The following NUP153 variants were observed in gnomAD, a reference collection of about 807,000 sequenced individuals.
NUP153 encodes nucleoporin 153.
Under a neutral mutation model 134.6 loss-of-function variants are expected in NUP153, and 27 were observed. The observed-to-expected ratio is 0.20, with a 90% confidence interval of 0.15 to 0.28. NUP153 has a LOEUF of 0.28. Among genes scored for constraint, NUP153 ranks in the 10% least tolerant of loss-of-function variants. The pLI is 1.00. For synonymous variants in NUP153, 640 were observed against 623.5 expected, an observed-to-expected ratio of 1.03 and a Z score of -0.40; for missense variants, 1,821 against 1,731.3, an observed-to-expected ratio of 1.05 and a Z score of -0.92.
intron 2 of NUP153, among the ~76,000 whole-genome samples, chr6:17,686,379 T>C (rs1420740936): frequency 6.6e-6 from 1 of 151,964 alleles, no homozygotes; most frequent in Non-Finnish European, 1.5e-5. Context: ...ATGTCTTAAT[T>C]GTTAACAAAC....
rs1472691549 is a variant in NUP153 at position 17,628,179 on chromosome 6, T to TA, written c.3544+475_3544+476insT. ...CTATGTCATTTTTTTCCCCAGGACT[T>TA]CAGCTTTCAAAATCTCTTGTTTTCT... On this transcript the variant is annotated intron_variant, in intron 18 of 21. Coordinates refer to ENST00000262077, the MANE Select transcript of NUP153 (RefSeq NM_005124.4). The surrounding 1 kb of genome is among the most constrained non-coding windows in gnomAD (Gnocchi z 5.4). Among the ~76,000 whole-genome samples, 3 of 152,234 alleles carry TA rather than the reference T, an allele frequency of 2.0e-5. No homozygotes were observed. Among genetic ancestry groups the TA allele is most frequent in the African/African-American group, 7.2e-5 (3 of 41,472 alleles).
Position 17,642,652 on chromosome 6 carries a change from A to T in NUP153, c.1721-2588T>A, listed in dbSNP as rs147337838. On this transcript the variant is annotated intron_variant, in intron 14 of 21. Coordinates refer to ENST00000262077, the MANE Select transcript of NUP153 (RefSeq NM_005124.4). ...TGATTCTTCAAAAAGTTTAATACAGAACTACCATCTGACCCATCAATTCCA... is the reference window on the plus strand; with the variant it reads ...TGATTCTTCAAAAAGTTTAATACAGTACTACCATCTGACCCATCAATTCCA... 5.8e-4 allele frequency among the ~76,000 whole-genome samples: 88 copies of T among 152,348 alleles called. 1 individual carries two copies. Among genetic ancestry groups the T allele is most frequent in the Admixed American group, 3.5e-3 (54 of 15,300 alleles).
chr6:17,616,745 T>TTTTGTTTG, intron 20 of NUP153, 50 bp from the exon 21 acceptor site: 1 of 1,549,788 alleles, frequency 6.5e-7, no homozygotes, highest in Non-Finnish European at 8.8e-7. Context: ...TGATAGGTTT[T>TTTTGTTTG]TTTGTTTGTT....
In NUP153 at chr6:17,669,503, T is replaced by C; in HGVS notation, c.896A>G (p.Gln299Arg). ...RQMKAKQLSA[Q>R]SYGVTSSTAR... is the part of the protein sequence containing the mutation. Reference sequence around the variant, plus strand: ...TGTTGAACTGGTCACACCGTAAGATTGTGCACTGAGTTGCTTAGCTTTCAT... The same window carrying C: ...TGTTGAACTGGTCACACCGTAAGATCGTGCACTGAGTTGCTTAGCTTTCAT... Residue 299 changes from glutamine to arginine, a missense_variant, in exon 6 of 22, where the codon CAA (glutamine) becomes CGA (arginine). Coordinates refer to ENST00000262077, the MANE Select transcript of NUP153 (RefSeq NM_005124.4). 1.2e-6 allele frequency: 2 copies of C among 1,614,156 alleles called. No individual in the cohort carries two copies. The highest frequency in any genetic ancestry group is 2.2e-5 in the South Asian group (2 of 91,090).
chr6:17,651,880 G>C, intron 11 of NUP153: 1 of 679,464 alleles, frequency 1.5e-6, no homozygotes, highest in Non-Finnish European at 2.7e-6. Context: ...GATCGCTTGA[G>C]CGCAGGAGCT....
At chr6:17,616,290 G>GGGCCC in intron 21 of NUP153, 109 bp from the exon 22 acceptor site, 4 of 473,874 alleles carry the variant, frequency 8.4e-6, no homozygotes, top group East Asian at 4.5e-5. Context: ...GGTGGGGGGG[G>GGGCCC]AGTAGACTCA....
At chr6:17,686,370 T>A (rs1004839799) in intron 2 of NUP153, among the ~76,000 whole-genome samples, 3 of 151,944 alleles carry the variant, frequency 2.0e-5, no homozygotes, top group Non-Finnish European at 4.4e-5. Context: ...AATGTGCGCA[T>A]GTCTTAATTG....
intron 20 of NUP153, among the ~76,000 whole-genome samples, chr6:17,621,287 CAGTA>C (rs1354081482): frequency 6.6e-6 from 1 of 152,132 alleles, no homozygotes; most frequent in East Asian, 1.9e-4. Flanking sequence ...TTATGGAAAA[CAGTA>C]AGGAAGTTTC....
At chr6:17,688,358 A>G (rs370146755) in intron 2 of NUP153, 38 bp downstream of exon 2, 208 of 1,515,530 alleles carry the variant, frequency 1.4e-4, no homozygotes, top group Non-Finnish European at 3.0e-5. Context: ...GGGCATGAAA[A>G]CCTATCATTC....
intron 8 of NUP153, 38 bp downstream of exon 8, chr6:17,668,937 T>C (rs759260258): frequency 8.7e-6 from 12 of 1,386,092 alleles, no homozygotes; most frequent in Middle Eastern, 1.8e-4. Flanking sequence ...AACAAAATTG[T>C]AGACAGTTTA....
At chr6:17,677,159 G>A (rs1768269520) in intron 2 of NUP153, among the ~76,000 whole-genome samples, 1 of 152,154 alleles carries the variant, frequency 6.6e-6, no homozygotes, top group Non-Finnish European at 1.5e-5. Flanking sequence ...ACAGAGCTTG[G>A]AGGCTAAGGC....
chr6:17,644,320 T>C (rs1766022211), intron 14 of NUP153, among the ~76,000 whole-genome samples: 2 of 152,162 alleles, frequency 1.3e-5, no homozygotes, highest in Non-Finnish European at 2.9e-5. Flanking sequence ...CAACCCACAC[T>C]AGCACTCACC....
chr6:17,685,006 G>T (rs1286111803), intron 2 of NUP153, among the ~76,000 whole-genome samples: 1 of 152,174 alleles, frequency 6.6e-6, no homozygotes, highest in Non-Finnish European at 1.5e-5. Context: ...TTGAAATACT[G>T]CAAGAATTAC....
Position 17,647,884 on chromosome 6 carries a change from T to C in NUP153, c.1555A>G (p.Ser519Gly). The C allele has an allele frequency of 1.2e-6, 2 of 1,612,576 alleles. No individual in the cohort carries two copies. Among genetic ancestry groups the C allele is most frequent in the South Asian group, 2.2e-5 (2 of 90,756 alleles). Residue 519 changes from serine (S) to glycine (G), a missense_variant, in exon 13 of 22, where the codon AGC (serine) becomes GGC (glycine). Ser to Gly is a moderately conservative substitution (Grantham distance 56, BLOSUM62 0). Transcript: ENST00000262077. ...AATTTAAACATGGGACTGCCAGTGC[T>C]GCTCGGAGAGGTCATTTGTACCTGG... ...TNKVQMTSPSSTGSPMFKFSS... is the reference protein window; with the variant it reads ...TNKVQMTSPSGTGSPMFKFSS...
At chr6:17,657,177 G>T (rs1766869010) in intron 11 of NUP153, among the ~76,000 whole-genome samples, 1 of 151,952 alleles carries the variant, frequency 6.6e-6, no homozygotes, top group African/African-American at 2.4e-5. Context: ...TACATGTTTG[G>T]TGTGACTTTG....
intron 11 of NUP153, among the ~76,000 whole-genome samples, chr6:17,651,377 A>G (rs1380658298): frequency 6.6e-6 from 1 of 152,046 alleles, no homozygotes; most frequent in African/African-American, 2.4e-5. Flanking sequence ...ATATTCCCTT[A>G]ACCCCCAAAT....
At chr6:17,654,383 G>A (rs1169469088) in intron 11 of NUP153, among the ~76,000 whole-genome samples, 1 of 151,176 alleles carries the variant, frequency 6.6e-6, no homozygotes, top group Non-Finnish European at 1.5e-5. Flanking sequence ...CTGCAGTGGT[G>A]CGATCTTGGC....
chr6:17,682,698 C>T (rs1768662792), intron 2 of NUP153, among the ~76,000 whole-genome samples: 1 of 152,066 alleles, frequency 6.6e-6, no homozygotes, highest in Non-Finnish European at 1.5e-5. Context: ...GGGTGCAGAT[C>T]ACTAGGTCAG....
At chr6:17,617,952 A>G (rs1384878732) in intron 20 of NUP153, among the ~76,000 whole-genome samples, 1 of 152,164 alleles carries the variant, frequency 6.6e-6, no homozygotes, top group Non-Finnish European at 1.5e-5. Context: ...GGACTGGGAG[A>G]CACCACATAC....
Sources: gnomAD v4.1 joint callset for allele counts (sites outside exome capture counted in the v4.1 genomes callset) on GRCh38, gnomAD v4.1.1 for gene constraint, Gnocchi (gnomAD v3.1) non-coding constraint, MANE v1.5 for transcripts, NCBI Gene and HGNC (gene_info 2026-07-23, HGNC 2026-07-21) for gene names.